The following CDC14B variants were observed in gnomAD, a reference collection of about 807,000 sequenced individuals.
CDC14B encodes cell division cycle 14B.
CDC14B carries 22 observed loss-of-function variants against 64.2 expected under a neutral mutation model. The ratio of observed to expected loss-of-function variants is 0.34; its 90% confidence interval spans 0.24 to 0.49. CDC14B has a LOEUF of 0.49. Among genes scored for constraint, CDC14B ranks in the 20% least tolerant of loss-of-function variants. CDC14B has a pLI of 0.99. For synonymous variants in CDC14B, 191 were observed against 215.8 expected, an observed-to-expected ratio of 0.89 and a Z score of 1.01; for missense variants, 498 against 629.9, an observed-to-expected ratio of 0.79 and a Z score of 2.24.
At chr9:96,533,363 A>G (rs1331422584) in intron 9 of CDC14B, among the ~76,000 whole-genome samples, 1 of 152,204 alleles carries the variant, frequency 6.6e-6, no homozygotes, top group Non-Finnish European at 1.5e-5. Flanking sequence ...ATGTTTTGCC[A>G]TTATATTTAA....
intron 13 of CDC14B, among the ~76,000 whole-genome samples, chr9:96,509,364 C>T (rs1481901920): frequency 2.0e-5 from 3 of 152,184 alleles, no homozygotes; most frequent in Admixed American, 6.5e-5. Context: ...CTGATATACA[C>T]CTAGAAAAAT....
intron 1 of CDC14B, among the ~76,000 whole-genome samples, chr9:96,577,284 A>T (rs80190938): frequency 0.046 from 6,940 of 151,882 alleles, 545 homozygotes; most frequent in African/African-American, 0.16. Context: ...TGAAAAGATC[A>T]TAAAAAAATC....
At chr9:96,568,636 A>G (rs1335592626) in intron 1 of CDC14B, among the ~76,000 whole-genome samples, 1 of 152,118 alleles carries the variant, frequency 6.6e-6, no homozygotes, top group African/African-American at 2.4e-5. Flanking sequence ...TGAAAACTAG[A>G]CAGACGTGGC....
intron 5 of CDC14B, among the ~76,000 whole-genome samples, chr9:96,542,329 C>G (rs1483150541): frequency 6.6e-6 from 1 of 151,778 alleles, no homozygotes; most frequent in East Asian, 1.9e-4. Context: ...GTATGTGTGT[C>G]TATTTATACG....
chr9:96,543,598 A>G (rs1840394954), intron 5 of CDC14B, among the ~76,000 whole-genome samples: 1 of 152,152 alleles, frequency 6.6e-6, no homozygotes. Flanking sequence ...CTTCCTATAC[A>G]AATCTCTTAA....
In CDC14B at chr9:96,564,324, A is replaced by G. The variant is rs541607878; in HGVS notation, c.327+453T>C. ...CCCTTAATCGTATGTATAAAGGATC[A>G]TGTAGTACAGTATCATGGGAGTTTC... On this transcript the variant is annotated intron_variant, in intron 3 of 13. Coordinates refer to ENST00000375241, the MANE Select transcript of CDC14B (RefSeq NM_033331.4). Among the ~76,000 whole-genome samples, 23 of 152,352 alleles carry G rather than the reference A, an allele frequency of 1.5e-4. No individual in the cohort carries two copies. The South Asian group carries it at 4.3e-3, about 29-fold the overall frequency.
At chr9:96,548,166 T>G (rs906936318) in intron 5 of CDC14B, among the ~76,000 whole-genome samples, 1 of 151,916 alleles carries the variant, frequency 6.6e-6, no homozygotes, top group African/African-American at 2.4e-5. Context: ...GGCTCAAATC[T>G]GTAAAGGACC....
chr9:96,580,258 C>T (rs74549109), intron 1 of CDC14B, among the ~76,000 whole-genome samples: 8,734 of 147,132 alleles, frequency 0.059, 864 homozygotes, highest in African/African-American at 0.2. Flanking sequence ...GACGGAGTTT[C>T]GCTCTTTTTT....
intron 1 of CDC14B, among the ~76,000 whole-genome samples, chr9:96,606,767 T>C (rs1229427878): frequency 3.3e-5 from 5 of 152,060 alleles, no homozygotes; most frequent in African/African-American, 1.2e-4. Flanking sequence ...GGTTTCTCCA[T>C]GTTGGTCAGA....
At chr9:96,519,389 C>A (rs544681706) in intron 12 of CDC14B, among the ~76,000 whole-genome samples, 2 of 152,124 alleles carry the variant, frequency 1.3e-5, no homozygotes, top group South Asian at 2.1e-4. Context: ...GAGCAAATGG[C>A]CATTTTATAA....
At chr9:96,585,793 C>T (rs1845425005) in intron 1 of CDC14B, among the ~76,000 whole-genome samples, 2 of 152,050 alleles carry the variant, frequency 1.3e-5, no homozygotes, top group African/African-American at 2.4e-5. Context: ...TGTGTGTCTA[C>T]AAAAAGATTT....
intron 7 of CDC14B, 94 bp from the exon 8 acceptor site, chr9:96,534,636 T>C (rs1839015855): frequency 1.3e-6 from 1 of 799,906 alleles, no homozygotes; most frequent in Admixed American, 2.5e-5. Context: ...TTCAAACTCA[T>C]TTGCTTTAGC....
intron 1 of CDC14B, among the ~76,000 whole-genome samples, chr9:96,598,448 T>G (rs1172214400): frequency 1.3e-5 from 2 of 152,318 alleles, no homozygotes; most frequent in Non-Finnish European, 2.9e-5. Context: ...GTCATTCGCC[T>G]GCCTCAGCCT....
At chr9:96,557,546 G>A (rs780008021) in intron 4 of CDC14B, among the ~76,000 whole-genome samples, 3 of 152,192 alleles carry the variant, frequency 2.0e-5, no homozygotes, top group Non-Finnish European at 2.9e-5. Context: ...TGGGACCACA[G>A]ATTCAAAAGA....
At chr9:96,541,392 G>C (rs1840043871) in intron 6 of CDC14B, among the ~76,000 whole-genome samples, 1 of 152,196 alleles carries the variant, frequency 6.6e-6, no homozygotes, top group Non-Finnish European at 1.5e-5. Flanking sequence ...TTGAACGCCT[G>C]ACAAAACAAA....
chr9:96,523,874 G>T, intron 9 of CDC14B, 149 bp from the exon 10 acceptor site: 1 of 716,424 alleles, frequency 1.4e-6, no homozygotes, highest in Non-Finnish European at 2.3e-6. Context: ...GAATCACCTA[G>T]AGAGGTTTTT....
rs1329579904 is a variant in CDC14B at position 96,523,244 on chromosome 9, A to C, written c.1245+17T>G. ...GTTAAAGCAGTAACAACATCGCAAC[A>C]GAAACGGCTTGATTACCGGTTCGGG... On this transcript the variant is annotated intron_variant, in intron 11 of 13. Coordinates refer to ENST00000375241, the MANE Select transcript of CDC14B (RefSeq NM_033331.4). 1.2e-6 allele frequency: 2 copies of C among 1,613,258 alleles called. No individual in the cohort carries two copies. Among genetic ancestry groups the C allele is most frequent in the South Asian group, 2.2e-5 (2 of 91,050 alleles).
intron 1 of CDC14B, among the ~76,000 whole-genome samples, chr9:96,571,364 T>C (rs1392466974): frequency 6.6e-6 from 1 of 151,924 alleles, no homozygotes; most frequent in African/African-American, 2.4e-5. Flanking sequence ...TTAGTACAGA[T>C]GGGGTTTCAT....
chr9:96,607,065 C>T (rs1442337566), intron 1 of CDC14B, among the ~76,000 whole-genome samples: 2 of 151,078 alleles, frequency 1.3e-5, no homozygotes, highest in African/African-American at 2.5e-5. Context: ...ATAAGAATTC[C>T]TAATCCAGAG....
Sources: gnomAD v4.1 joint callset for allele counts (sites outside exome capture counted in the v4.1 genomes callset) on GRCh38, gnomAD v4.1.1 for gene constraint, MANE v1.5 for transcripts, NCBI Gene and HGNC (gene_info 2026-07-23, HGNC 2026-07-21) for gene names.